The following FBXL19 variants were observed in gnomAD, a reference collection of about 807,000 sequenced individuals.
The protein encoded by FBXL19 is F-box and leucine rich repeat protein 19.
Under a neutral mutation model 71.2 loss-of-function variants are expected in FBXL19, and 16 were observed. The observed-to-expected ratio is 0.22, with a 90% CI of 0.15 to 0.34. The LOEUF (loss-of-function observed/expected upper bound fraction) is 0.34, where lower values mean the gene tolerates loss of function less well. Among genes scored for constraint, FBXL19 ranks in the 10% least tolerant of loss-of-function variants. The pLI is 1.00. For missense variants in FBXL19, 658 were observed against 968.2 expected (o/e 0.68, Z 4.25); for synonymous variants, 447 against 409.4 (o/e 1.09, Z -1.11).
At chr16:30,924,957 TC>T (rs1347779159) in intron 1 of FBXL19, among the ~76,000 whole-genome samples, 1 of 152,066 alleles carries the variant, frequency 6.6e-6, no homozygotes, top group Non-Finnish European at 1.5e-5. Flanking sequence ...GATTCTAGAA[TC>T]CCAAGGAATT....
At chr16:30,939,353 C>T (rs1392845128) in intron 7 of FBXL19, among the ~76,000 whole-genome samples, 1 of 149,296 alleles carries the variant, frequency 6.7e-6, no homozygotes. Flanking sequence ...TTACACCACA[C>T]TTGGACTTTT....
intron 5 of FBXL19, 61 bp from the exon 6 acceptor site, chr16:30,928,406 T>G: frequency 1.4e-6 from 2 of 1,449,378 alleles, no homozygotes; most frequent in Non-Finnish European, 1.8e-6. Flanking sequence ...CTTAGATTTC[T>G]GGCCCATGAG....
At position 30,942,431 on chromosome 16, in the gene FBXL19, T is replaced by C. The variant is rs780354012; in HGVS notation, c.1522T>C (p.Ser508Pro). Reference protein sequence around the residue: ...CSWLSVSALGSAPLPALRLLD... With the variant: ...CSWLSVSALGPAPLPALRLLD... ...CTGGCTCTCTGTCTCTGCCCTGGGC[T>C]CAGCCCCACTGCCAGCCCTGCGGCT... Residue 508 changes from serine (S) to proline (P), a missense_variant, in exon 9 of 11, where the codon TCA (serine) becomes CCA (proline). Around this residue, in one of 8 missense-constraint regions of FBXL19, gnomAD observed 21 missense variants for 45.1 expected, o/e 0.47. Transcript: ENST00000338343. This position sits in a 1 kb window ranked among gnomAD's most constrained non-coding sequence, Gnocchi z 5.7. 1 of 1,608,468 alleles carries C rather than the reference T, an allele frequency of 6.2e-7. No homozygotes were observed. Among genetic ancestry groups the C allele is most frequent in the Non-Finnish European group, 8.5e-7 (1 of 1,177,866 alleles).
At chr16:30,937,538 A>G (rs1043634559) in intron 7 of FBXL19, among the ~76,000 whole-genome samples, 6 of 152,022 alleles carry the variant, frequency 3.9e-5, no homozygotes, top group Admixed American at 2.0e-4. Context: ...TAGGGCCCTC[A>G]GTGACTGTTG....
At chr16:30,944,623 A>C (rs1210704036) in intron 9 of FBXL19, among the ~76,000 whole-genome samples, 1 of 151,946 alleles carries the variant, frequency 6.6e-6, no homozygotes, top group Non-Finnish European at 1.5e-5. Context: ...CATGGCTTTT[A>C]CTATTGTGAA....
At chr16:30,934,844 G>GAGC (rs2055714044) in intron 7 of FBXL19, among the ~76,000 whole-genome samples, 2 of 152,148 alleles carry the variant, frequency 1.3e-5, no homozygotes, top group African/African-American at 4.8e-5. Flanking sequence ...CTCAGGACGT[G>GAGC]TGGGTCTGAT....
intron 1 of FBXL19, 114 bp downstream of exon 1, chr16:30,924,573 C>A: frequency 7.4e-7 from 1 of 1,347,612 alleles, no homozygotes; most frequent in South Asian, 1.9e-5. Flanking sequence ...TCTCTCTACT[C>A]CAAACTCATC....
rs1400154517 is a variant in FBXL19, at chr16:30,946,686, G to A, written c.1628-44G>A. The A allele has an allele frequency of 6.4e-7, 1 of 1,562,418 alleles. No individual in the cohort carries two copies. The highest frequency in any genetic ancestry group is 1.4e-5 in the African/African-American group (1 of 73,970). ...GATGGTCTGGATACCTGGGCGCAGG[G>A]ATGGGAGTGGCCAGGAGTGCTGACC... On this transcript the variant is annotated intron_variant, in intron 9 of 10. Coordinates refer to ENST00000338343, the MANE Select transcript of FBXL19 (RefSeq NM_001382779.1). The surrounding 1 kb of genome is among the most constrained non-coding windows in gnomAD (Gnocchi z 6.7).
At chr16:30,931,082 G>T (rs1028138434) in intron 7 of FBXL19, among the ~76,000 whole-genome samples, 1 of 152,094 alleles carries the variant, frequency 6.6e-6, no homozygotes, top group African/African-American at 2.4e-5. Context: ...AGACAGCCAG[G>T]CTTGAACCTC....
chr16:30,929,645 A>G (rs1330517461), intron 6 of FBXL19, among the ~76,000 whole-genome samples: 1 of 151,552 alleles, frequency 6.6e-6, no homozygotes, highest in Non-Finnish European at 1.5e-5. Context: ...TGAAACCTCC[A>G]CCTCCCAGGT....
chr16:30,945,779 G>A (rs1329342474), intron 9 of FBXL19, among the ~76,000 whole-genome samples: 3 of 147,798 alleles, frequency 2.0e-5, no homozygotes, highest in Non-Finnish European at 4.5e-5. Flanking sequence ...CAGGGAGGTT[G>A]AGGCTGCAGT....
At position 30,930,486 on chromosome 16, in the gene FBXL19, C is replaced by T. The variant is rs910862666; in HGVS notation, c.1203C>T (p.Asp401=). Residue 401 remains aspartate, a synonymous_variant, in exon 7 of 11, where the codon GAC becomes GAT. Transcript: ENST00000338343. This position sits in a 1 kb window ranked among gnomAD's most constrained non-coding sequence, Gnocchi z 8.5. ...CACTCCCCTTGGCTGCTGGATCCGA[C>T]CACCCCCTGCCCCGGGCCGCCTGGC... ...PDTLPLAAGS[D]HPLPRAAWLR... The T allele has an allele frequency of 5.9e-6, 9 of 1,533,000 alleles. No individual in the cohort carries two copies. In the African/African-American group the frequency reaches 6.9e-5, roughly 12 times the overall value. 95.0% of individuals were successfully genotyped at this position (1,533,000 alleles called of 1,614,324 possible). A position where few individuals can be genotyped will look rare whatever the true frequency, so the allele number is the denominator to read the frequency against.
rs2055579363 is a variant in FBXL19, at chr16:30,925,417, A to G, written c.-24-314A>G. Among the ~76,000 whole-genome samples, 1 of 152,060 alleles carries G rather than the reference A, an allele frequency of 6.6e-6. No homozygotes were observed. The highest frequency in any genetic ancestry group is 2.1e-4 in the South Asian group (1 of 4,826). The stretch of plus-strand genomic sequence containing the variant: ...CGGACAAGGAGTGCCTGGCCTTTCC[A>G]AGGAGCTCCGGTGTGGGGATGGCAG... On this transcript the variant is annotated intron_variant, in intron 1 of 10. Coordinates refer to ENST00000338343, the MANE Select transcript of FBXL19 (RefSeq NM_001382779.1). The surrounding 1 kb of genome is among the most constrained non-coding windows in gnomAD (Gnocchi z 5.0).
At chr16:30,927,040 C>G (rs1230469316) in intron 2 of FBXL19, among the ~76,000 whole-genome samples, 1 of 152,232 alleles carries the variant, frequency 6.6e-6, no homozygotes, top group Non-Finnish European at 1.5e-5. Flanking sequence ...AGCTACATAT[C>G]AGTGTCTCTC....
intron 5 of FBXL19, 86 bp from the exon 6 acceptor site, chr16:30,928,381 G>C (rs973635529): frequency 5.9e-5 from 80 of 1,354,400 alleles, no homozygotes; most frequent in Non-Finnish European, 7.2e-5. Flanking sequence ...TGTAGTCTAA[G>C]AGGAGGGCAT....
At chr16:30,929,821 T>A (rs1020784840) in intron 6 of FBXL19, among the ~76,000 whole-genome samples, 3 of 152,250 alleles carry the variant, frequency 2.0e-5, no homozygotes, top group Non-Finnish European at 4.4e-5. Context: ...CCCAGAGTGC[T>A]GGGATTACAG....
intron 7 of FBXL19, among the ~76,000 whole-genome samples, chr16:30,931,735 A>AT (rs200891801): frequency 8.6e-5 from 13 of 150,840 alleles, no homozygotes; most frequent in African/African-American, 2.2e-4. Flanking sequence ...TTTTATTTTT[A>AT]TTTTTTTTTA....
upstream of FBXL19, chr16:30,923,253 C>T (rs752575854): frequency 3.3e-5 from 15 of 453,102 alleles, no homozygotes; most frequent in South Asian, 2.0e-4. Context: ...TCATCGTTCC[C>T]TCTCCTTCTC....
At chr16:30,934,135 C>T (rs1246710182) in intron 7 of FBXL19, among the ~76,000 whole-genome samples, 3 of 150,946 alleles carry the variant, frequency 2.0e-5, no homozygotes, top group East Asian at 4.1e-4. Flanking sequence ...GAGCCCAAGA[C>T]GGGCGGATCA....
Sources: allele counts gnomAD v4.1 joint callset (sites outside exome capture counted in the v4.1 genomes callset), GRCh38; gene constraint gnomAD v4.1.1; regional missense constraint gnomAD v4.1.1; non-coding constraint Gnocchi (gnomAD v3.1); transcripts MANE v1.5; gene names NCBI Gene and HGNC (gene_info 2026-07-23, HGNC 2026-07-21).